Variants in TSGA10 observed in about 807,000 individuals in gnomAD.
TSGA10 encodes the protein testis specific 10.
Under a neutral mutation model 96.6 loss-of-function variants are expected in TSGA10, and 43 were observed. The observed-to-expected ratio is 0.44, with a 90% CI of 0.35 to 0.57. The LOEUF (loss-of-function observed/expected upper bound fraction) is 0.57, where lower values mean the gene tolerates loss of function less well. TSGA10 is among the 20% of genes least tolerant of loss of function. The pLI, the probability that TSGA10 is intolerant of heterozygous loss-of-function variation, is 0.01. For synonymous variants in TSGA10, 229 were observed against 269.9 expected (o/e 0.85, Z 1.48); for missense variants, 703 against 834.4 (o/e 0.84, Z 1.94).
intron 10 of TSGA10, among the ~76,000 whole-genome samples, chr2:99,086,761 C>A (rs1464832409): frequency 6.6e-6 from 1 of 151,990 alleles, no homozygotes; most frequent in Non-Finnish European, 1.5e-5. Context: ...AAAAGAAACA[C>A]AAGGCATTAA....
rs971935957 is a variant in TSGA10, at chr2:99,015,903, A to AAAAC, written c.2072+2293_2072+2296dup. 4.5e-4 allele frequency among the ~76,000 whole-genome samples: 68 copies of AAAAC among 152,284 alleles called. 2 individuals are homozygous for AAAAC. In the East Asian group the frequency reaches 0.011, roughly 24 times the overall value. On this transcript the variant is annotated intron_variant, in intron 20 of 20. Coordinates refer to ENST00000393483, the MANE Select transcript of TSGA10 (RefSeq NM_025244.4). ...TCAACTCCTTTTACAATGGCAGCAA[A>AAAAC]AAACAAACAAACAAACAAAAACACC...
chr2:99,100,448 T>C lies in TSGA10; in HGVS notation c.611+3519A>G, dbSNP rs966285494. ...GGACAATCTTTTCAACAAATATTAC[T>C]GGGAAAATTGAGTAATCATGTATTA... On this transcript the variant is annotated intron_variant, in intron 10 of 20. Coordinates refer to ENST00000393483, the MANE Select transcript of TSGA10 (RefSeq NM_025244.4). Among the ~76,000 whole-genome samples the C allele has an allele frequency of 2.6e-5, 4 of 152,262 alleles. No homozygotes were observed. In the South Asian group the frequency reaches 8.3e-4, roughly 32 times the overall value.
chr2:99,087,902 C>T (rs2088757864), intron 10 of TSGA10, among the ~76,000 whole-genome samples: 1 of 152,084 alleles, frequency 6.6e-6, no homozygotes. Context: ...GGCACACAAA[C>T]AGGCACTCAA....
At chr2:99,137,241 C>T (rs1170246169) in intron 1 of TSGA10, among the ~76,000 whole-genome samples, 2 of 152,128 alleles carry the variant, frequency 1.3e-5, no homozygotes, top group Non-Finnish European at 2.9e-5. Context: ...ATGATCCACC[C>T]GCCTCAGCCT....
intron 1 of TSGA10, chr2:99,147,520 C>G: frequency 6.2e-7 from 1 of 1,605,588 alleles, no homozygotes; most frequent in South Asian, 1.1e-5. Flanking sequence ...CAAGTCTACC[C>G]TATTATACTT....
At chr2:99,070,459 A>G (rs997938258) in intron 14 of TSGA10, among the ~76,000 whole-genome samples, 1 of 152,292 alleles carries the variant, frequency 6.6e-6, no homozygotes, top group Non-Finnish European at 1.5e-5. Context: ...GTGTATAAAA[A>G]TAGTGTTAAA....
At chr2:99,134,646 G>C (rs1216423251) in intron 1 of TSGA10, among the ~76,000 whole-genome samples, 1 of 152,092 alleles carries the variant, frequency 6.6e-6, no homozygotes. Context: ...TAATCCTTTA[G>C]AGGAGAAGAG....
At chr2:99,133,649 G>T (rs2093203357) in intron 1 of TSGA10, among the ~76,000 whole-genome samples, 1 of 152,060 alleles carries the variant, frequency 6.6e-6, no homozygotes, top group Non-Finnish European at 1.5e-5. Context: ...TGGTTATTTT[G>T]CCCATTAGTT....
intron 10 of TSGA10, among the ~76,000 whole-genome samples, 199 bp from the exon 11 acceptor site, chr2:99,081,596 A>G (rs2087517917): frequency 6.6e-6 from 1 of 152,196 alleles, no homozygotes; most frequent in Non-Finnish European, 1.5e-5. Context: ...CACCACTCCA[A>G]CATAAGCTAC....
At chr2:99,153,639 G>A (rs1173614019) in intron 1 of TSGA10, among the ~76,000 whole-genome samples, 1 of 152,158 alleles carries the variant, frequency 6.6e-6, no homozygotes, top group Non-Finnish European at 1.5e-5. Flanking sequence ...TAAGCAAAGA[G>A]CAACAATATT....
chr2:99,119,918 G>T (rs2092483087), intron 2 of TSGA10, among the ~76,000 whole-genome samples: 1 of 152,070 alleles, frequency 6.6e-6, no homozygotes, highest in Non-Finnish European at 1.5e-5. Flanking sequence ...CTTTGTTCGT[G>T]GCTTTTCCTA....
intron 2 of TSGA10, among the ~76,000 whole-genome samples, chr2:99,121,461 T>TTC (rs2092566653): frequency 2.0e-5 from 3 of 151,362 alleles, no homozygotes; most frequent in African/African-American, 4.9e-5. Context: ...GAAGTATATA[T>TTC]ATTCATATAT....
chr2:99,103,792 C>T (rs2091036948), intron 10 of TSGA10, among the ~76,000 whole-genome samples, 175 bp downstream of exon 10: 1 of 152,130 alleles, frequency 6.6e-6, no homozygotes, highest in Non-Finnish European at 1.5e-5. Flanking sequence ...GCATTACCAG[C>T]CTGTGATTGA....
chr2:99,079,897 G>A (rs2087227191), intron 11 of TSGA10, among the ~76,000 whole-genome samples: 1 of 152,174 alleles, frequency 6.6e-6, no homozygotes, highest in Admixed American at 6.5e-5. Flanking sequence ...GATCTATATA[G>A]TACTGGAGAA....
intron 16 of TSGA10, among the ~76,000 whole-genome samples, chr2:99,044,174 A>T (rs2082497168): frequency 6.6e-6 from 1 of 151,982 alleles, no homozygotes; most frequent in Admixed American, 6.6e-5. Context: ...ATTCACACAT[A>T]ACAATATTAA....
At chr2:99,026,648 C>T (rs896081477) in intron 17 of TSGA10, among the ~76,000 whole-genome samples, 7 of 152,090 alleles carry the variant, frequency 4.6e-5, no homozygotes, top group African/African-American at 1.7e-4. Context: ...TGGTCTCGAT[C>T]TCCTGACCTC....
Position 99,109,075 on chromosome 2 carries a change from A to G in TSGA10, c.52-84T>C, listed in dbSNP as rs181326152. ...CTACTGATGGTAGTGCCCAATTTCTATTTAAGAAAATAAGACTATATAATG... is the reference window on the plus strand; with the variant it reads ...CTACTGATGGTAGTGCCCAATTTCTGTTTAAGAAAATAAGACTATATAATG... On this transcript the variant is annotated intron_variant, in intron 6 of 20. Coordinates refer to ENST00000393483, the MANE Select transcript of TSGA10 (RefSeq NM_025244.4). The G allele has an allele frequency of 4.4e-5, 45 of 1,023,886 alleles. No individual in the cohort carries two copies. In the African/African-American group the frequency reaches 6.5e-4, roughly 15 times the overall value. 63.4% of individuals were successfully genotyped at this position (1,023,886 alleles called of 1,614,324 possible).
chr2:99,034,059 A>G (rs778505132), intron 17 of TSGA10, among the ~76,000 whole-genome samples: 3 of 152,146 alleles, frequency 2.0e-5, no homozygotes, highest in Non-Finnish European at 4.4e-5. Flanking sequence ...TCTGCAACCC[A>G]TTTGTGAATA....
At chr2:99,113,992 C>G (rs1216144865) in intron 4 of TSGA10, among the ~76,000 whole-genome samples, 1 of 152,066 alleles carries the variant, frequency 6.6e-6, no homozygotes, top group Non-Finnish European at 1.5e-5. Flanking sequence ...ATAGCAATAG[C>G]CAATAGTTAA....
Sources: allele counts gnomAD v4.1 joint callset (sites outside exome capture counted in the v4.1 genomes callset), GRCh38; gene constraint gnomAD v4.1.1; transcripts MANE v1.5; gene names NCBI Gene and HGNC (gene_info 2026-07-23, HGNC 2026-07-21).